CEP63: variants seen among roughly 807,000 people sequenced by gnomAD.
CEP63 encodes the protein centrosomal protein 63.
In CEP63, 84 loss-of-function variants were observed where a neutral mutation model predicts 89.1. The ratio of observed to expected loss-of-function variants is 0.94; its 90% CI spans 0.79 to 1.13. CEP63 has a LOEUF of 1.13. Among genes scored for constraint, CEP63 ranks in the 50% most tolerant of loss-of-function variants. The probability of loss-of-function intolerance (pLI) is 0.00; values close to 1 mark genes in which losing one functional copy is unlikely to be tolerated. For synonymous variants in CEP63, 267 were observed against 272.5 expected (o/e 0.98, Z 0.20); for missense variants, 838 against 813.3 (o/e 1.03, Z -0.37).
chr3:134,565,558 A>C (rs1420494602), downstream of CEP63, among the ~76,000 whole-genome samples: 3 of 152,190 alleles, frequency 2.0e-5, no homozygotes, highest in Admixed American at 2.0e-4. Context: ...GAAATGTGTC[A>C]GCTTGTCCCA....
At chr3:134,732,195 C>T in the CEP63 span, among the ~76,000 whole-genome samples, 1 of 152,074 alleles carries the variant, frequency 6.6e-6, no homozygotes, top group Non-Finnish European at 1.5e-5. Context: ...GAAGAAGGTA[C>T]ACTTAAATTT....
the CEP63 span, among the ~76,000 whole-genome samples, chr3:134,748,768 A>G: frequency 6.6e-6 from 1 of 152,202 alleles, no homozygotes; most frequent in East Asian, 1.9e-4. Context: ...TGAAGTGCAA[A>G]CATGTGACCC....
the CEP63 span, among the ~76,000 whole-genome samples, chr3:134,677,933 G>T: frequency 6.6e-6 from 1 of 151,656 alleles, no homozygotes; most frequent in Non-Finnish European, 1.5e-5. Flanking sequence ...CACCCTCTGT[G>T]CCAGTCTGCT....
intron 6 of CEP63, among the ~76,000 whole-genome samples, chr3:134,540,991 A>G (rs1333084176): frequency 1.3e-5 from 2 of 152,000 alleles, no homozygotes; most frequent in Non-Finnish European, 2.9e-5. Context: ...CATGTTGGCC[A>G]TGTTGGTCTT....
intron 5 of CEP63, among the ~76,000 whole-genome samples, chr3:134,534,422 C>G: frequency 6.6e-6 from 1 of 152,154 alleles, no homozygotes; most frequent in African/African-American, 2.4e-5. Context: ...ATCTTTTCAG[C>G]TAACTCTCTC....
the CEP63 span, among the ~76,000 whole-genome samples, chr3:134,722,392 T>C: frequency 6.6e-6 from 1 of 152,044 alleles, no homozygotes; most frequent in Admixed American, 6.5e-5. Flanking sequence ...TGTAAGTTGG[T>C]AGTGATGTCT....
chr3:134,690,777 C>T, the CEP63 span, among the ~76,000 whole-genome samples: 9 of 124,576 alleles, frequency 7.2e-5, no homozygotes, highest in African/African-American at 3.8e-4. Flanking sequence ...GAGATAGAGT[C>T]TCGCTCTGTC....
Position 134,562,335 on chromosome 3 carries a change from G to T in CEP63, c.*800G>T, listed in dbSNP as rs995914880. The stretch of plus-strand genomic sequence containing the variant: ...GAGAGAGAGAGGAGCAGGAGGCTGG[G>T]TTTGGGGCCCTGAAAGATGCCAGCA... On this transcript the variant is annotated 3_prime_UTR_variant, in exon 15 of 15. Coordinates refer to ENST00000675561, the MANE Select transcript of CEP63 (RefSeq NM_001353108.3). The T allele has an allele frequency of 1.5e-4, 86 of 567,406 alleles. No individual in the cohort carries two copies. Among genetic ancestry groups the T allele is most frequent in the Admixed American group, 1.3e-4 (2 of 15,750 alleles). 35.1% of individuals were successfully genotyped at this position (567,406 alleles called of 1,614,324 possible).
downstream of CEP63, chr3:134,575,113 C>CTCCTTCCT (rs1156529257): frequency 2.9e-6 from 1 of 345,172 alleles, no homozygotes; most frequent in Non-Finnish European, 5.1e-6. Context: ...CTTAAGATAA[C>CTCCTTCCT]TCCTTCCTTC....
chr3:134,696,077 G>C, the CEP63 span, among the ~76,000 whole-genome samples: 1 of 152,146 alleles, frequency 6.6e-6, no homozygotes, highest in Non-Finnish European at 1.5e-5. Context: ...CAAACACCTG[G>C]TTAGGCTCTT....
the CEP63 span, among the ~76,000 whole-genome samples, chr3:134,763,921 AG>A: frequency 1.3e-5 from 2 of 152,240 alleles, no homozygotes; most frequent in Non-Finnish European, 2.9e-5. Context: ...AAAGGGCAGA[AG>A]GAGGAGCAGC....
chr3:134,746,921 T>C, the CEP63 span, among the ~76,000 whole-genome samples: 6 of 152,344 alleles, frequency 3.9e-5, no homozygotes, highest in South Asian at 1.2e-3. Flanking sequence ...GCAGAAGCTC[T>C]TTAGTTTAAT....
At chr3:134,674,265 A>G in the CEP63 span, among the ~76,000 whole-genome samples, 1 of 152,238 alleles carries the variant, frequency 6.6e-6, no homozygotes, top group Admixed American at 6.5e-5. Flanking sequence ...GATTTATTCT[A>G]GGAATGCAAG....
exon 11 of CEP63, among the ~76,000 whole-genome samples, chr3:134,587,492 C>A (rs1236318969): frequency 6.6e-6 from 1 of 152,162 alleles, no homozygotes; most frequent in African/African-American, 2.4e-5. Flanking sequence ...GAGGTCCACT[C>A]CAGACGCTGT....
At chr3:134,724,778 G>A in the CEP63 span, among the ~76,000 whole-genome samples, 223 of 152,228 alleles carry the variant, frequency 1.5e-3, no homozygotes, top group Non-Finnish European at 2.6e-3. Flanking sequence ...GAATTGAGTA[G>A]GATGCTATGC....
At chr3:134,581,437 C>T (rs1420185190) in intron 10 of CEP63, among the ~76,000 whole-genome samples, 1 of 151,564 alleles carries the variant, frequency 6.6e-6, no homozygotes, top group African/African-American at 2.4e-5. Flanking sequence ...AAAAATTAGC[C>T]GGGCATGGTG....
At chr3:134,494,320 T>C (rs935655477) in intron 1 of CEP63, among the ~76,000 whole-genome samples, 49 of 151,964 alleles carry the variant, frequency 3.2e-4, no homozygotes, top group African/African-American at 1.1e-3. Flanking sequence ...TTTACCATGT[T>C]GGCCAGGCTG....
intron 12 of CEP63, among the ~76,000 whole-genome samples, chr3:134,556,770 G>T (rs1956268780): frequency 6.6e-6 from 1 of 152,140 alleles, no homozygotes; most frequent in Admixed American, 6.5e-5. Flanking sequence ...ACAGCTAGAT[G>T]TGTGCTCGCT....
At chr3:134,685,870 T>G in the CEP63 span, among the ~76,000 whole-genome samples, 2 of 152,196 alleles carry the variant, frequency 1.3e-5, no homozygotes, top group Non-Finnish European at 2.9e-5. Flanking sequence ...TTCAGTGCCC[T>G]CCTGTATAAA....
Sources: allele counts gnomAD v4.1 joint callset (sites outside exome capture counted in the v4.1 genomes callset), GRCh38; gene constraint gnomAD v4.1.1; transcripts MANE v1.5; gene names NCBI Gene and HGNC (gene_info 2026-07-23, HGNC 2026-07-21).